The following SETD3 variants were observed in gnomAD, a reference collection of about 807,000 sequenced individuals.
SETD3 encodes SET domain containing 3, actin N3(tau)-histidine methyltransferase, also known as actin-histidine N-methyltransferase.
Under a neutral mutation model 63.0 loss-of-function variants are expected in SETD3, and 19 were observed. The ratio of observed to expected loss-of-function variants is 0.30; its 90% CI spans 0.21 to 0.44. The LOEUF is 0.44. Ranked by LOEUF, SETD3 falls within the 20% of genes least tolerant of loss-of-function variation. The probability of loss-of-function intolerance (pLI) is 1.00; values close to 1 mark genes in which losing one functional copy is unlikely to be tolerated. For synonymous variants in SETD3, 286 were observed against 264.1 expected, an observed-to-expected ratio of 1.08 and a Z score of -0.80; for missense variants, 587 against 728.5, an observed-to-expected ratio of 0.81 and a Z score of 2.24.
chr14:99,465,891 A>AT, intron 1 of SETD3, 78 bp from the exon 2 acceptor site: 1 of 873,494 alleles, frequency 1.1e-6, no homozygotes, highest in Non-Finnish European at 1.8e-6. Context: ...TGTCCAACAC[A>AT]TGGCAGTGTC....
intron 2 of SETD3, among the ~76,000 whole-genome samples, chr14:99,464,133 G>A (rs935936422): frequency 1.6e-4 from 25 of 152,182 alleles, no homozygotes; most frequent in African/African-American, 5.1e-4. Flanking sequence ...TGCAAAATGA[G>A]ATGGCATAGT....
chr14:99,413,248 G>A lies in SETD3; in HGVS notation c.735-183C>T, dbSNP rs1030700877. ...ACAAACCCAGGGTTTGAAAGAGCCA[G>A]GGGAAATGCAGGAGTGAGTGTTTAA... On this transcript the variant is annotated intron_variant, in intron 7 of 12. Transcript: ENST00000331768. 18 of 568,214 alleles carry A rather than the reference G, an allele frequency of 3.2e-5. No homozygotes were observed. In the African/African-American group the frequency reaches 3.4e-4, roughly 11 times the overall value. The allele number at this position is 568,214 out of a possible 1,614,324, so 35.2% of individuals were successfully genotyped here. A position where few individuals can be genotyped will look rare whatever the true frequency, so the allele number is the denominator to read the frequency against.
chr14:99,477,615 G>C (rs1361497430), intron 1 of SETD3, among the ~76,000 whole-genome samples: 1 of 151,900 alleles, frequency 6.6e-6, no homozygotes, highest in Admixed American at 6.6e-5. Flanking sequence ...TTAGCCAGGC[G>C]TGGTGGCGCA....
At chr14:99,466,166 C>G (rs966961125) in intron 1 of SETD3, among the ~76,000 whole-genome samples, 1 of 152,164 alleles carries the variant, frequency 6.6e-6, no homozygotes, top group African/African-American at 2.4e-5. Flanking sequence ...ATACATCATA[C>G]ACATATGGGC....
At chr14:99,404,876 G>A (rs1595144648) in intron 10 of SETD3, among the ~76,000 whole-genome samples, 1 of 152,102 alleles carries the variant, frequency 6.6e-6, no homozygotes, top group Non-Finnish European at 1.5e-5. Context: ...TGGTAGCAAC[G>A]AATTAAATGA....
At chr14:99,468,582 A>G (rs8021023) in intron 1 of SETD3, among the ~76,000 whole-genome samples, 5,927 of 152,176 alleles carry the variant, frequency 0.039, 271 homozygotes, top group East Asian at 0.13. Context: ...ACACCCTCCC[A>G]GCAACACCAA....
intron 6 of SETD3, among the ~76,000 whole-genome samples, chr14:99,456,938 C>T (rs1278888951): frequency 6.6e-6 from 1 of 152,186 alleles, no homozygotes; most frequent in East Asian, 1.9e-4. Flanking sequence ...AGGCTACCAG[C>T]GTTTGCAAAC....
intron 6 of SETD3, among the ~76,000 whole-genome samples, chr14:99,435,465 G>A (rs567460192): frequency 9.2e-5 from 14 of 152,098 alleles, no homozygotes; most frequent in South Asian, 2.1e-4. Flanking sequence ...TCAACAGAAC[G>A]GAGCTGAAGC....
At chr14:99,472,361 TA>T (rs1233117877) in intron 1 of SETD3, among the ~76,000 whole-genome samples, 1 of 152,230 alleles carries the variant, frequency 6.6e-6, no homozygotes, top group African/African-American at 2.4e-5. Context: ...TGCCTTCTTT[TA>T]GCAATCAAAA....
chr14:99,461,702 A>G (rs1429776483), intron 3 of SETD3, among the ~76,000 whole-genome samples: 1 of 152,240 alleles, frequency 6.6e-6, no homozygotes, highest in Non-Finnish European at 1.5e-5. Flanking sequence ...GCCACCTCTC[A>G]TGTTCACATT....
chr14:99,439,713 T>C (rs538469963), intron 6 of SETD3, among the ~76,000 whole-genome samples: 3 of 148,174 alleles, frequency 2.0e-5, no homozygotes, highest in Non-Finnish European at 4.5e-5. Context: ...TTTATACATA[T>C]AAATATATGT....
At chr14:99,412,109 A>T (rs1892025025) in intron 8 of SETD3, 1 of 152,280 alleles carries the variant, frequency 6.6e-6, no homozygotes, top group Admixed American at 6.5e-5. Context: ...ATCAAACAGT[A>T]TACTAGTATA....
intron 6 of SETD3, among the ~76,000 whole-genome samples, chr14:99,422,900 C>T (rs1892664203): frequency 6.6e-6 from 1 of 152,228 alleles, no homozygotes; most frequent in Non-Finnish European, 1.5e-5. Context: ...CCCGCGGCCC[C>T]CAAGGCGCCT....
chr14:99,418,694 CTA>C (rs1892409692), intron 6 of SETD3, among the ~76,000 whole-genome samples: 1 of 152,046 alleles, frequency 6.6e-6, no homozygotes, highest in Non-Finnish European at 1.5e-5. Flanking sequence ...TCCTATAGGC[CTA>C]TAGAGACCCC....
intron 1 of SETD3, among the ~76,000 whole-genome samples, chr14:99,470,522 C>CCAAGCCATCTCCT (rs1280369929): frequency 2.0e-5 from 3 of 152,166 alleles, no homozygotes; most frequent in African/African-American, 7.2e-5. Flanking sequence ...GATCCTAGAC[C>CCAAGCCATCTCCT]CAAGCCATCT....
rs2139794838 is a variant in SETD3, at chr14:99,465,843, A to C, written c.-8-30T>G. 4.1e-6 allele frequency: 6 copies of C among 1,476,264 alleles called. No homozygotes were observed. The African/African-American group carries it at 4.2e-5, about 10-fold the overall frequency. 91.4% of individuals were successfully genotyped at this position (1,476,264 alleles called of 1,614,324 possible). On this transcript the variant is annotated intron_variant, in intron 1 of 12. Coordinates refer to ENST00000331768, the MANE Select transcript of SETD3 (RefSeq NM_032233.3). ...AGAGAAGAGAAAGAAAAGAGAAAAA[A>C]ATTACATTACCAAAGAACAAAATCA...
rs145660422 is a variant in SETD3, at chr14:99,446,488, G to A, written c.675+11791C>T. Among the ~76,000 whole-genome samples, 1,471 of 152,242 alleles carry A rather than the reference G, an allele frequency of 9.7e-3. 8 individuals are homozygous for A. Among genetic ancestry groups the A allele is most frequent in the Middle Eastern group, 0.027 (8 of 294 alleles). ...GCATTGCCTAACCTTCCTTGGTTAG[G>A]ATGCCAGCCCCAAGTTATATCACTT... is the stretch of plus-strand genomic sequence containing the variant. On this transcript the variant is annotated intron_variant, in intron 6 of 12. Transcript: ENST00000331768.
intron 6 of SETD3, among the ~76,000 whole-genome samples, chr14:99,449,040 A>T (rs1894300952): frequency 6.6e-6 from 1 of 152,250 alleles, no homozygotes; most frequent in Non-Finnish European, 1.5e-5. Context: ...TCAAATATAT[A>T]GTAATGGATT....
intron 12 of SETD3, among the ~76,000 whole-genome samples, chr14:99,399,841 C>A (rs577348704): frequency 6.8e-6 from 1 of 148,058 alleles, no homozygotes; most frequent in East Asian, 2.0e-4. Flanking sequence ...ACCTCCGCCT[C>A]CTGGGTTCAA....
Sources: allele counts gnomAD v4.1 joint callset (sites outside exome capture counted in the v4.1 genomes callset), GRCh38; gene constraint gnomAD v4.1.1; transcripts MANE v1.5; gene names NCBI Gene and HGNC (gene_info 2026-07-23, HGNC 2026-07-21).